The following KHDRBS3 variants were observed in gnomAD, a reference collection of about 807,000 sequenced individuals.
The protein encoded by KHDRBS3 is KH domain-containing, RNA-binding, signal transduction-associated protein 3.
Under a neutral mutation model 45.6 loss-of-function variants are expected in KHDRBS3, and 23 were observed. That is an observed-to-expected ratio of 0.50 (90% CI 0.36 to 0.72). The LOEUF is 0.72. Among genes scored for constraint, KHDRBS3 ranks in the 30% least tolerant of loss-of-function variants. KHDRBS3 has a pLI of 0.00. For missense variants in KHDRBS3, 352 were observed against 424.8 expected (o/e 0.83, Z 1.51); for synonymous variants, 162 against 156.5 (o/e 1.04, Z -0.26).
Position 135,457,832 on chromosome 8 carries a change from T to G in KHDRBS3, c.-35T>G. 1.4e-6 allele frequency: 2 copies of G among 1,468,354 alleles called. No individual in the cohort carries two copies. Among genetic ancestry groups the G allele is most frequent in the Middle Eastern group, 1.8e-4 (1 of 5,458 alleles). The allele number at this position is 1,468,354 out of a possible 1,614,324, so 91.0% of individuals were successfully genotyped here. ...TGCCGGGCGCCGCCCCCCGTGCGCCTGGAGTCCACATCCCGGGCCCGGCGG... is the reference window on the plus strand; with the variant it reads ...TGCCGGGCGCCGCCCCCCGTGCGCCGGGAGTCCACATCCCGGGCCCGGCGG... On this transcript the variant is annotated 5_prime_UTR_variant, in exon 1 of 9. Coordinates refer to ENST00000355849, the MANE Select transcript of KHDRBS3 (RefSeq NM_006558.3). This position sits in a 1 kb window ranked among gnomAD's most constrained non-coding sequence, Gnocchi z 4.4.
At chr8:135,631,128 G>C (rs1158112792) in intron 7 of KHDRBS3, among the ~76,000 whole-genome samples, 1 of 151,692 alleles carries the variant, frequency 6.6e-6, no homozygotes, top group African/African-American at 2.4e-5. Context: ...ACGTGCACCT[G>C]TAATCCCAAC....
At chr8:135,628,426 G>A (rs1830462700) in intron 7 of KHDRBS3, among the ~76,000 whole-genome samples, 1 of 152,178 alleles carries the variant, frequency 6.6e-6, no homozygotes, top group South Asian at 2.1e-4. Flanking sequence ...TAGAAGTGGT[G>A]AGAGCTTGTT....
intron 5 of KHDRBS3, among the ~76,000 whole-genome samples, chr8:135,578,026 G>A (rs897231574): frequency 1.3e-5 from 2 of 152,114 alleles, no homozygotes; most frequent in African/African-American, 4.8e-5. Flanking sequence ...GCCATCTGTA[G>A]ATCTTCTTTG....
chr8:135,589,715 T>C (rs1293234755), intron 6 of KHDRBS3, among the ~76,000 whole-genome samples: 1 of 152,186 alleles, frequency 6.6e-6, no homozygotes, highest in Non-Finnish European at 1.5e-5. Context: ...CGGGATCCTT[T>C]AGGGAATGAA....
chr8:135,561,244 C>T (rs1586724071), intron 5 of KHDRBS3, among the ~76,000 whole-genome samples: 1 of 152,198 alleles, frequency 6.6e-6, no homozygotes, highest in East Asian at 1.9e-4. Context: ...TGAATTGAAA[C>T]TCATTTTAAC....
chr8:135,543,198 T>C (rs563324505), intron 3 of KHDRBS3, among the ~76,000 whole-genome samples: 2 of 152,302 alleles, frequency 1.3e-5, no homozygotes, highest in South Asian at 2.1e-4. Context: ...TTATTTGATA[T>C]TGTGTGCATT....
chr8:135,610,331 A>G (rs1453254275), intron 7 of KHDRBS3, among the ~76,000 whole-genome samples: 2 of 151,950 alleles, frequency 1.3e-5, no homozygotes, highest in Non-Finnish European at 2.9e-5. Flanking sequence ...TGAGGCTCAG[A>G]GAAGTAGGTG....
intron 7 of KHDRBS3, 124 bp from the exon 8 acceptor site, chr8:135,644,935 A>G (rs909394725): frequency 5.1e-5 from 48 of 940,594 alleles, no homozygotes; most frequent in Non-Finnish European, 7.1e-5. Flanking sequence ...CTCGGTGGGA[A>G]TTTCTTTGAA....
intron 6 of KHDRBS3, among the ~76,000 whole-genome samples, chr8:135,588,519 T>C (rs114640282): frequency 0.013 from 1,958 of 152,070 alleles, 31 homozygotes; most frequent in African/African-American, 0.046. Flanking sequence ...TCCTTGGAGG[T>C]CAAAGGTGGG....
At chr8:135,559,809 A>C (rs1827081307) in intron 5 of KHDRBS3, among the ~76,000 whole-genome samples, 1 of 152,244 alleles carries the variant, frequency 6.6e-6, no homozygotes, top group South Asian at 2.1e-4. Context: ...CATTGCAGAC[A>C]GCAAACCTCC....
intron 1 of KHDRBS3, among the ~76,000 whole-genome samples, chr8:135,476,126 G>C (rs1822268717): frequency 1.3e-5 from 2 of 151,940 alleles, no homozygotes; most frequent in African/African-American, 4.8e-5. Context: ...AATTTTCTTT[G>C]TTTTCCTTCC....
chr8:135,586,461 T>C (rs1383273089), intron 6 of KHDRBS3, among the ~76,000 whole-genome samples: 3 of 152,180 alleles, frequency 2.0e-5, no homozygotes, highest in Non-Finnish European at 4.4e-5. Flanking sequence ...CTGAATTAAA[T>C]AACCTCTGTG....
At chr8:135,508,644 C>G (rs1326914870) in intron 1 of KHDRBS3, among the ~76,000 whole-genome samples, 2 of 152,050 alleles carry the variant, frequency 1.3e-5, no homozygotes, top group African/African-American at 4.8e-5. Flanking sequence ...ATAGTTACTC[C>G]CATCCCCTCC....
intron 1 of KHDRBS3, among the ~76,000 whole-genome samples, chr8:135,519,675 A>G (rs933208427): frequency 6.6e-6 from 1 of 152,206 alleles, no homozygotes; most frequent in Non-Finnish European, 1.5e-5. Context: ...ACTGTTTTCT[A>G]ATTGCAAAGA....
intron 7 of KHDRBS3, among the ~76,000 whole-genome samples, chr8:135,639,569 C>T (rs1830970623): frequency 6.6e-6 from 1 of 152,172 alleles, no homozygotes; most frequent in Admixed American, 6.5e-5. Flanking sequence ...AAGAAAAATA[C>T]TCTCCTTTCC....
chr8:135,537,458 G>A (rs1232475934), intron 2 of KHDRBS3, among the ~76,000 whole-genome samples: 1 of 152,156 alleles, frequency 6.6e-6, no homozygotes, highest in Non-Finnish European at 1.5e-5. Flanking sequence ...AGTTCAGAAA[G>A]GCGCTTGGTC....
At chr8:135,528,473 C>T (rs1318359251) in intron 2 of KHDRBS3, among the ~76,000 whole-genome samples, 4 of 152,038 alleles carry the variant, frequency 2.6e-5, no homozygotes, top group Admixed American at 6.5e-5. Flanking sequence ...ATTTTTGTTG[C>T]TCCTGTTTGA....
intron 7 of KHDRBS3, among the ~76,000 whole-genome samples, chr8:135,619,369 A>T (rs989365702): frequency 1.3e-5 from 2 of 152,204 alleles, no homozygotes; most frequent in Non-Finnish European, 2.9e-5. Flanking sequence ...CATTGGAAAT[A>T]AAAAATACAT....
intron 5 of KHDRBS3, among the ~76,000 whole-genome samples, chr8:135,574,218 C>CGTCACCTCCATCATGTTAGCAT (rs1197750210): frequency 9.3e-6 from 1 of 108,072 alleles, no homozygotes; most frequent in Admixed American, 8.8e-5. Flanking sequence ...CATGTTAGCA[C>CGTCACCTCCATCATGTTAGCAT]GTCACCTCCA....
Sources: gnomAD v4.1 joint callset for allele counts (sites outside exome capture counted in the v4.1 genomes callset) on GRCh38, gnomAD v4.1.1 for gene constraint, Gnocchi (gnomAD v3.1) non-coding constraint, MANE v1.5 for transcripts, NCBI Gene and HGNC (gene_info 2026-07-23, HGNC 2026-07-21) for gene names.